The following SI variants were observed in gnomAD, a reference collection of about 807,000 sequenced individuals.
The protein encoded by SI is sucrase-isomaltase, intestinal.
A neutral mutation model predicts 253.3 loss-of-function variants in SI; 235 were observed. The ratio of observed to expected loss-of-function variants is 0.93; its 90% CI spans 0.83 to 1.03. SI has a LOEUF of 1.03. Among genes scored for constraint, SI ranks in the 50% least tolerant of loss-of-function variants. SI has a pLI of 0.00. For missense variants in SI, 2,442 were observed against 2,211.1 expected (o/e 1.10, Z -2.09); for synonymous variants, 819 against 712.0 (o/e 1.15, Z -2.39).
chr3:165,018,634 T>C (rs1293226284), intron 28 of SI, among the ~76,000 whole-genome samples: 1 of 151,162 alleles, frequency 6.6e-6, no homozygotes, highest in Non-Finnish European at 1.5e-5. Flanking sequence ...TTATATACTT[T>C]TGATTCTTAA....
intron 26 of SI, among the ~76,000 whole-genome samples, chr3:165,022,230 G>T (rs1711660046): frequency 1.3e-5 from 2 of 151,288 alleles, no homozygotes; most frequent in South Asian, 4.2e-4. Context: ...TGTTTATAGT[G>T]TTTTTTGATG....
In SI at chr3:165,019,697, A is replaced by T. The variant is rs1719214954; in HGVS notation, c.3328T>A (p.Tyr1110Asn). ...TCCACTTCCCCAAAACCATATATAT[A>T]TTCTGATGGCAGGCGAGTCGATATT... Reference protein sequence around the residue: ...IQISTRLPSEYIYGFGEVEHT... With the variant: ...IQISTRLPSENIYGFGEVEHT... The change falls in exon 28 of 48, where the codon TAT becomes AAT. Residue 1110 changes from tyrosine (Y) to asparagine (N), a missense_variant. Coordinates refer to ENST00000264382, the MANE Select transcript of SI (RefSeq NM_001041.4). The T allele has an allele frequency of 6.2e-7, 1 of 1,612,692 alleles. No individual in the cohort carries two copies. Among genetic ancestry groups the T allele is most frequent in the South Asian group, 1.1e-5 (1 of 91,072 alleles).
At chr3:165,008,354 A>G (rs1718616094) in intron 35 of SI, among the ~76,000 whole-genome samples, 1 of 151,968 alleles carries the variant, frequency 6.6e-6, no homozygotes, top group African/African-American at 2.4e-5. Flanking sequence ...TTTTATTGCT[A>G]AAACTACAAG....
intron 24 of SI, among the ~76,000 whole-genome samples, chr3:165,031,249 C>A (rs1712221163): frequency 1.3e-5 from 2 of 149,226 alleles, no homozygotes; most frequent in South Asian, 4.2e-4. Flanking sequence ...TTGATACCCA[C>A]CAAACATAAT....
At position 165,012,977 on chromosome 3, in the gene SI, T is replaced by A; in HGVS notation, c.4062+3A>T. Reference sequence around the variant, plus strand: ...TTGTATAGTTAGCCCGTGTAAAACTTACATTAACAGCTTCATCTTCCGTTA... The same window carrying A: ...TTGTATAGTTAGCCCGTGTAAAACTAACATTAACAGCTTCATCTTCCGTTA... On this transcript the variant is annotated splice_donor_region_variant and intron_variant, in intron 34 of 47. Coordinates refer to ENST00000264382, the MANE Select transcript of SI (RefSeq NM_001041.4). 6.3e-7 allele frequency: 1 copy of A among 1,591,486 alleles called. No individual in the cohort carries two copies. Among genetic ancestry groups the A allele is most frequent in the Non-Finnish European group, 8.6e-7 (1 of 1,159,540 alleles).
chr3:165,012,873 G>A, intron 34 of SI, 107 bp downstream of exon 34: 1 of 792,056 alleles, frequency 1.3e-6, no homozygotes, highest in Non-Finnish European at 2.3e-6. Flanking sequence ...ATTTAAAATG[G>A]CCATCTATTT....
chr3:165,049,612 T>C (rs1713325901), intron 14 of SI, among the ~76,000 whole-genome samples, 179 bp downstream of exon 14: 1 of 152,106 alleles, frequency 6.6e-6, no homozygotes, highest in Non-Finnish European at 1.5e-5. Context: ...ACTAGATTTG[T>C]CTATTTAAAT....
chr3:164,996,870 C>T, intron 38 of SI, 98 bp from the exon 39 acceptor site: 1 of 634,928 alleles, frequency 1.6e-6, no homozygotes. Context: ...TTTTTAATAT[C>T]AACCTCCAAA....
chr3:165,067,272 T>G, intron 6 of SI, 68 bp downstream of exon 6: 8 of 1,196,670 alleles, frequency 6.7e-6, no homozygotes, highest in Non-Finnish European at 9.4e-6. Flanking sequence ...GAAAATGTCT[T>G]GAAATTAAGA....
rs2108188402 is a variant in SI, at chr3:165,023,686, T to C, written c.2983A>G (p.Ile995Val). Residue 995 changes from isoleucine (I) to valine (V), a missense_variant, in exon 26 of 48, where the codon ATA (isoleucine) becomes GTA (valine). By Grantham distance (29) the Ile-to-Val change is conservative. Coordinates refer to ENST00000264382, the MANE Select transcript of SI (RefSeq NM_001041.4). ...VNSARYSSMG[I>V]TADLQLNTAN... ...GTATTTAGTTGGAGGTCAGCTGTTA[T>C]ACCCATGGATGAATAGCGAGCTGAG... 3.7e-6 allele frequency: 6 copies of C among 1,610,750 alleles called. No individual in the cohort carries two copies. Among genetic ancestry groups the C allele is most frequent in the Non-Finnish European group, 4.2e-6 (5 of 1,177,786 alleles).
At chr3:165,002,984 T>C (rs1431967819) in intron 37 of SI, among the ~76,000 whole-genome samples, 1 of 151,836 alleles carries the variant, frequency 6.6e-6, no homozygotes, top group Non-Finnish European at 1.5e-5. Context: ...ATTGTGCTGA[T>C]TTCCTCCTCA....
chr3:165,001,945 G>A (rs1389545422), intron 37 of SI, among the ~76,000 whole-genome samples: 3 of 151,530 alleles, frequency 2.0e-5, no homozygotes, highest in Admixed American at 6.6e-5. Context: ...AAGAATATCT[G>A]CAAAAATAAT....
At chr3:165,084,044 C>T in the SI span, among the ~76,000 whole-genome samples, 3 of 152,040 alleles carry the variant, frequency 2.0e-5, no homozygotes, top group African/African-American at 7.2e-5. Flanking sequence ...AATTCCTACC[C>T]TAAAGATGAT....
intron 35 of SI, among the ~76,000 whole-genome samples, chr3:165,008,753 A>T (rs1718633442): frequency 6.6e-6 from 1 of 151,914 alleles, no homozygotes; most frequent in South Asian, 2.1e-4. Context: ...AAAGTAAAAA[A>T]TTTTTCCTCC....
intron 12 of SI, among the ~76,000 whole-genome samples, chr3:165,056,137 A>G (rs1188867977): frequency 1.3e-5 from 2 of 152,184 alleles, no homozygotes; most frequent in African/African-American, 4.8e-5. Flanking sequence ...ATTGTTTTGT[A>G]TCCAAACATT....
In SI at chr3:165,069,058, T is replaced by C. The variant is rs1177648929; in HGVS notation, c.373+20A>G. 1.3e-6 allele frequency: 2 copies of C among 1,485,772 alleles called. No individual in the cohort carries two copies. Among genetic ancestry groups the C allele is most frequent in the South Asian group, 1.1e-5 (1 of 88,554 alleles). The allele number at this position is 1,485,772 out of a possible 1,614,324, so 92.0% of individuals were successfully genotyped here. ...GTTAGAATATATCATATTGAATCAT[T>C]ATAACAGAGGACTTCTTACCAATAC... On this transcript the variant is annotated intron_variant, in intron 4 of 47. Coordinates refer to ENST00000264382, the MANE Select transcript of SI (RefSeq NM_001041.4).
Position 164,979,365 on chromosome 3 carries a change from T to C in SI, c.5481A>G (p.Ser1827=), listed in dbSNP as rs778635843. 20 of 1,579,640 alleles carry C rather than the reference T, an allele frequency of 1.3e-5. No homozygotes were observed. In the East Asian group the frequency reaches 4.3e-4, roughly 34 times the overall value. ...TLEEPIEINW[S] is the part of the protein sequence containing the mutation. ...CAACTAAAATTGATGGTGATCTTCA[T>C]GACCAGTTGATTTCTATTGGTTCTT... The change falls in exon 48 of 48, where the codon TCA becomes TCG. Residue 1827 remains serine (S), a synonymous_variant. Coordinates refer to ENST00000264382, the MANE Select transcript of SI (RefSeq NM_001041.4).
chr3:165,058,165 G>A (rs9845334), intron 12 of SI, among the ~76,000 whole-genome samples: 91,031 of 151,602 alleles, frequency 0.6, 27,512 homozygotes, highest in East Asian at 0.81. Context: ...CATGAAAATT[G>A]AACAATATGC....
At chr3:165,023,509 T>G (rs1003498234) in intron 26 of SI, 61 bp downstream of exon 26, 2 of 1,066,122 alleles carry the variant, frequency 1.9e-6, no homozygotes, top group African/African-American at 1.6e-5. Flanking sequence ...AATCACAGGA[T>G]TATTCAAAAT....
Sources: gnomAD v4.1 joint callset for allele counts (sites outside exome capture counted in the v4.1 genomes callset) on GRCh38, gnomAD v4.1.1 for gene constraint, MANE v1.5 for transcripts, NCBI Gene and HGNC (gene_info 2026-07-23, HGNC 2026-07-21) for gene names.